The following MAP2 variants were observed in gnomAD, a reference collection of about 807,000 sequenced individuals.
MAP2 encodes the protein microtubule-associated protein 2.
Under a neutral mutation model 137.6 loss-of-function variants are expected in MAP2, and 14 were observed. The observed-to-expected ratio is 0.10, with a 90% confidence interval of 0.07 to 0.16. MAP2 has a LOEUF of 0.16. Ranked by LOEUF, MAP2 falls within the 10% of genes least tolerant of loss-of-function variation. The pLI, the probability that MAP2 is intolerant of heterozygous loss-of-function variation, is 1.00. For synonymous variants in MAP2, 786 were observed against 782.3 expected (o/e 1.00, Z -0.08); for missense variants, 2,088 against 2,191.5 (o/e 0.95, Z 0.94).
intron 1 of MAP2, among the ~76,000 whole-genome samples, chr2:209,435,965 T>TTA (rs1245894888): frequency 2.7e-4 from 37 of 138,096 alleles, no homozygotes; most frequent in South Asian, 4.3e-4. Flanking sequence ...ACAGTATATA[T>TTA]TATATATAAT....
chr2:209,573,776 A>ACT (rs2074844659), intron 2 of MAP2, among the ~76,000 whole-genome samples: 2 of 151,812 alleles, frequency 1.3e-5, no homozygotes, highest in South Asian at 4.2e-4. Context: ...ATTAGTTGTC[A>ACT]CTCTCCATTA....
rs533939450 is a variant in MAP2, at chr2:209,545,186, T to C, written c.-171-34850T>C. ...AGGTTATTTATGCTCTACCACTTAC[T>C]GAAGGTAGTTGTGAGTTTCCTGTAA... On this transcript the variant is annotated intron_variant, in intron 2 of 15. Coordinates refer to ENST00000682079, the MANE Select transcript of MAP2 (RefSeq NM_001375505.1). Among the ~76,000 whole-genome samples, 23 of 152,332 alleles carry C rather than the reference T, an allele frequency of 1.5e-4. 1 individual carries two copies. The highest frequency in any genetic ancestry group is 2.4e-4 in the Non-Finnish European group (16 of 68,020).
At chr2:209,519,599 A>G (rs1184545426) in intron 2 of MAP2, among the ~76,000 whole-genome samples, 4 of 152,096 alleles carry the variant, frequency 2.6e-5, no homozygotes, top group African/African-American at 7.2e-5. Flanking sequence ...TAAGATTTAC[A>G]TAAATTCTCA....
intron 1 of MAP2, among the ~76,000 whole-genome samples, chr2:209,488,263 G>T (rs1011965895): frequency 6.6e-6 from 1 of 152,194 alleles, no homozygotes; most frequent in Non-Finnish European, 1.5e-5. Context: ...CACATACTAC[G>T]CTTTTCCCAT....
intron 12 of MAP2, among the ~76,000 whole-genome samples, chr2:209,706,056 G>A (rs979952116): frequency 6.6e-6 from 1 of 152,024 alleles, no homozygotes; most frequent in Non-Finnish European, 1.5e-5. Context: ...ACCAAGTCAA[G>A]GATTTTAAAA....
At chr2:209,684,668 T>G (rs1183015832) in intron 7 of MAP2, 1 of 152,174 alleles carries the variant, frequency 6.6e-6, no homozygotes, top group Non-Finnish European at 1.5e-5. Context: ...CCAGGTAAGC[T>G]TTATTTTTGA....
At chr2:209,435,032 G>A (rs953963999) in intron 1 of MAP2, among the ~76,000 whole-genome samples, 10 of 148,494 alleles carry the variant, frequency 6.7e-5, no homozygotes, top group African/African-American at 2.2e-4. Context: ...CAAAATATGG[G>A]CTTTTTAATA....
At chr2:209,460,838 T>C (rs1431037521) in intron 1 of MAP2, among the ~76,000 whole-genome samples, 2 of 152,062 alleles carry the variant, frequency 1.3e-5, no homozygotes, top group Non-Finnish European at 2.9e-5. Flanking sequence ...AACCTCTGCC[T>C]CCCGGGTTCA....
At chr2:209,566,103 T>G (rs1329022912) in intron 2 of MAP2, among the ~76,000 whole-genome samples, 1 of 152,216 alleles carries the variant, frequency 6.6e-6, no homozygotes, top group African/African-American at 2.4e-5. Context: ...TGACATTCAC[T>G]CTTTCCAAGA....
In MAP2 at chr2:209,678,682, T is replaced by G; in HGVS notation, c.373T>G (p.Leu125Val). ...QHKDQTAALPLAAEETANLPP... is the reference protein window; with the variant it reads ...QHKDQTAALPVAAEETANLPP... Reference sequence around the variant, plus strand: ...TAAAGACCAGACTGCAGCTCTGCCTTTAGGTAAATAAGAAGATTCTCAGGT... The same window carrying G: ...TAAAGACCAGACTGCAGCTCTGCCTGTAGGTAAATAAGAAGATTCTCAGGT... Residue 125 changes from leucine to valine, a missense_variant, in exon 6 of 16, where the codon TTA (leucine) becomes GTA (valine). Leu to Val is a conservative substitution (Grantham distance 32, BLOSUM62 1). Coordinates refer to ENST00000682079, the MANE Select transcript of MAP2 (RefSeq NM_001375505.1). 1.9e-6 allele frequency: 3 copies of G among 1,585,320 alleles called. No individual in the cohort carries two copies. The highest frequency in any genetic ancestry group is 2.6e-6 in the Non-Finnish European group (3 of 1,163,100).
intron 1 of MAP2, among the ~76,000 whole-genome samples, chr2:209,490,912 A>T (rs1317440021): frequency 6.6e-6 from 1 of 152,144 alleles, no homozygotes; most frequent in Non-Finnish European, 1.5e-5. Flanking sequence ...ATTAACAAGG[A>T]TATTCAGGAC....
In MAP2 at chr2:209,709,939, G is replaced by A. The variant is rs2064897298; in HGVS notation, c.4758G>A (p.Gly1586=). ...GGTCAGAGCCAATTCGCAGAGCAGG[G>A]AAGAGTGGTACCTCAACACCCACTA... ...TTRSEPIRRA[G]KSGTSTPTTP... The change falls in exon 13 of 16, where the codon GGG becomes GGA. Residue 1586 remains glycine (G), a synonymous_variant. Transcript: ENST00000682079. 1 of 1,613,684 alleles carries A rather than the reference G, an allele frequency of 6.2e-7. No homozygotes were observed. The highest frequency in any genetic ancestry group is 8.5e-7 in the Non-Finnish European group (1 of 1,179,836).
intron 2 of MAP2, among the ~76,000 whole-genome samples, chr2:209,572,441 G>A (rs2074551322): frequency 6.6e-6 from 1 of 151,962 alleles, no homozygotes; most frequent in South Asian, 2.1e-4. Flanking sequence ...TATGTATAAG[G>A]CATAGTTAAA....
Position 209,696,558 on chromosome 2 carries a change from C to T in MAP2, c.4197C>T (p.Ile1399=). The change falls in exon 9 of 16, where the codon ATC becomes ATT. Residue 1399 remains isoleucine (I), a synonymous_variant. Transcript: ENST00000682079. ...WVDTQDDDRS[I]MTEQLETIPK... is the part of the protein sequence containing the mutation. ...GATCCACAGATGATGATAGGAGCATCATGACAGAACAGTTAGAAACTATTC... is the reference window on the plus strand; with the variant it reads ...GATCCACAGATGATGATAGGAGCATTATGACAGAACAGTTAGAAACTATTC... 1 of 1,612,374 alleles carries T rather than the reference C, an allele frequency of 6.2e-7. No individual in the cohort carries two copies. Among genetic ancestry groups the T allele is most frequent in the Non-Finnish European group, 8.5e-7 (1 of 1,179,492 alleles).
chr2:209,669,907 T>C (rs2048065465), intron 5 of MAP2, among the ~76,000 whole-genome samples: 1 of 152,050 alleles, frequency 6.6e-6, no homozygotes, highest in Non-Finnish European at 1.5e-5. Flanking sequence ...GTTTTATTGA[T>C]ATTTTATTTT....
At chr2:209,462,493 T>A (rs1205073621) in intron 1 of MAP2, among the ~76,000 whole-genome samples, 1 of 152,164 alleles carries the variant, frequency 6.6e-6, no homozygotes, top group Admixed American at 6.5e-5. Flanking sequence ...TTTTCAGGCA[T>A]GTACACTACT....
Position 209,694,170 on chromosome 2 carries a change from A to G in MAP2, c.2000A>G (p.Tyr667Cys), listed in dbSNP as rs762406263. ...ATGTTCACTATTGATCCAAAAGTGTATGGAGAGAAAAGGGACCTCCACAGT... is the reference window on the plus strand; with the variant it reads ...ATGTTCACTATTGATCCAAAAGTGTGTGGAGAGAAAAGGGACCTCCACAGT... ...ERMFTIDPKVYGEKRDLHSKN... is the reference protein window; with the variant it reads ...ERMFTIDPKVCGEKRDLHSKN... The change falls in exon 8 of 16, where the codon TAT (tyrosine) becomes TGT (cysteine). Residue 667 changes from tyrosine (Y) to cysteine (C), a missense_variant. By Grantham distance (194) the Tyr-to-Cys change is radical. Transcript: ENST00000682079. The G allele has an allele frequency of 1.9e-6, 3 of 1,614,154 alleles. No individual in the cohort carries two copies. The highest frequency in any genetic ancestry group is 1.7e-6 in the Non-Finnish European group (2 of 1,179,996).
chr2:209,718,349 G>A (rs1025003198), intron 13 of MAP2, among the ~76,000 whole-genome samples: 2 of 151,656 alleles, frequency 1.3e-5, no homozygotes, highest in African/African-American at 2.4e-5. Flanking sequence ...TGATGACTTC[G>A]TCCACTATTC....
chr2:209,686,332 C>A (rs745992043), intron 7 of MAP2, among the ~76,000 whole-genome samples: 1 of 152,162 alleles, frequency 6.6e-6, no homozygotes, highest in Non-Finnish European at 1.5e-5. Flanking sequence ...ATTCTCTCTA[C>A]AAAATGTTAT....
Sources: allele counts gnomAD v4.1 joint callset (sites outside exome capture counted in the v4.1 genomes callset), GRCh38; gene constraint gnomAD v4.1.1; transcripts MANE v1.5; gene names NCBI Gene and HGNC (gene_info 2026-07-23, HGNC 2026-07-21).